The following SEPTIN9 variants were observed in gnomAD, a reference collection of about 807,000 sequenced individuals.
SEPTIN9 encodes the protein septin-9.
Under a neutral mutation model 56.6 loss-of-function variants are expected in SEPTIN9, and 13 were observed. The observed-to-expected ratio is 0.23, with a 90% CI of 0.15 to 0.37. The LOEUF is 0.37. Among genes scored for constraint, SEPTIN9 ranks in the 10% least tolerant of loss-of-function variants. The pLI, the probability that SEPTIN9 is intolerant of heterozygous loss-of-function variation, is 1.00. For missense variants in SEPTIN9, 650 were observed against 823.1 expected (o/e 0.79, Z 2.57); for synonymous variants, 332 against 334.1 (o/e 0.99, Z 0.07).
Position 77,405,026 on chromosome 17 carries a change from A to G in SEPTIN9, c.721+2323A>G. On this transcript the variant is annotated intron_variant, in intron 3 of 11. Coordinates refer to ENST00000427177, the MANE Select transcript of SEPTIN9 (RefSeq NM_001113491.2). The surrounding 1 kb of genome is among the most constrained non-coding windows in gnomAD (Gnocchi z 5.8). ...CCCCATCCTGGGTTGATGTGTTCAC[A>G]CTCAGCTGAGTCAAACAGGATGTGG... 2 of 1,501,202 alleles carry G rather than the reference A, an allele frequency of 1.3e-6. No individual in the cohort carries two copies. The highest frequency in any genetic ancestry group is 1.2e-5 in the South Asian group (1 of 82,414). The allele number at this position is 1,501,202 out of a possible 1,614,324, so 93.0% of individuals were successfully genotyped here.
intron 2 of SEPTIN9, among the ~76,000 whole-genome samples, chr17:77,321,870 G>A (rs2032949170): frequency 6.6e-6 from 1 of 152,224 alleles, no homozygotes; most frequent in Non-Finnish European, 1.5e-5. Flanking sequence ...GGCCCGCTGG[G>A]ACGGGTGGGT....
chr17:77,485,100 T>TGGGTGGTG (rs2039695717), intron 4 of SEPTIN9, among the ~76,000 whole-genome samples: 2 of 2,788 alleles, frequency 7.2e-4, no homozygotes, highest in East Asian at 2.3e-3. Flanking sequence ...TGGTGGTGAT[T>TGGGTGGTG]GTGGTGATGT....
rs1427760499 is a variant in SEPTIN9, at chr17:77,451,598, C to A, written c.722-30546C>A. ...CGGGGGCTCTCAGGTGGCGCGGCCG[C>A]GAGGCGGACCCTGATGGCCATGGTG... is the stretch of plus-strand genomic sequence containing the variant. On this transcript the variant is annotated intron_variant, in intron 3 of 11. Coordinates refer to ENST00000427177, the MANE Select transcript of SEPTIN9 (RefSeq NM_001113491.2). The surrounding 1 kb of genome is among the most constrained non-coding windows in gnomAD (Gnocchi z 4.2). 1.3e-5 allele frequency: 13 copies of A among 967,262 alleles called. No individual in the cohort carries two copies. Among genetic ancestry groups the A allele is most frequent in the African/African-American group, 1.8e-5 (1 of 56,878 alleles). 59.9% of individuals were successfully genotyped at this position (967,262 alleles called of 1,614,324 possible).
At chr17:77,373,640 G>C (rs937653458) in intron 2 of SEPTIN9, 41 of 1,501,740 alleles carry the variant, frequency 2.7e-5, no homozygotes, top group Non-Finnish European at 3.1e-5. Context: ...TGCGCTGAGG[G>C]GAGACGGGAG....
chr17:77,498,159 C>T (rs1242640852), intron 11 of SEPTIN9, among the ~76,000 whole-genome samples: 1 of 152,088 alleles, frequency 6.6e-6, no homozygotes, highest in Non-Finnish European at 1.5e-5. Flanking sequence ...ACCCTGCCAG[C>T]ACCCTGGACA....
chr17:77,498,255 C>T (rs570489263), intron 11 of SEPTIN9, among the ~76,000 whole-genome samples: 6 of 152,154 alleles, frequency 3.9e-5, no homozygotes, highest in African/African-American at 1.4e-4. Flanking sequence ...ATAGGGTGGA[C>T]CCAGAGGGAG....
In SEPTIN9 at chr17:77,376,834, A is replaced by AC. The variant is rs1294672554; in HGVS notation, c.77-25220dup. 8 of 151,602 alleles carry AC rather than the reference A, an allele frequency of 5.3e-5. No homozygotes were observed. The East Asian group carries it at 1.6e-3, about 29-fold the overall frequency. The allele number at this position is 151,602 out of a possible 1,614,324, so 9.4% of individuals were successfully genotyped here. ...AATGTCCCATGTCCTGGGCACATCT[A>AC]CCCCCTCCCTGGGGAGCACCTTTCT... On this transcript the variant is annotated intron_variant, in intron 2 of 11. Transcript: ENST00000427177.
At chr17:77,444,698 G>C (rs1359976363) in intron 3 of SEPTIN9, 6 of 190,280 alleles carry the variant, frequency 3.2e-5, no homozygotes, top group African/African-American at 4.7e-5. Flanking sequence ...GAACCAGCTG[G>C]TGCGTGTCAG....
At chr17:77,470,372 ATCCATCCACTCATCCG>A (rs1260849919) in intron 3 of SEPTIN9, among the ~76,000 whole-genome samples, 5 of 148,900 alleles carry the variant, frequency 3.4e-5, no homozygotes, top group South Asian at 2.1e-4. Flanking sequence ...CCACTTATCC[ATCCATCCACTCATCCG>A]TCCATCCACT....
chr17:77,304,146 T>A (rs762038292), intron 1 of SEPTIN9, among the ~76,000 whole-genome samples: 6 of 152,216 alleles, frequency 3.9e-5, no homozygotes, highest in Admixed American at 6.5e-5. Context: ...TCCAAGGAGC[T>A]GAACTGGAGC....
Position 77,456,749 on chromosome 17 carries a change from G to A in SEPTIN9, c.722-25395G>A, listed in dbSNP as rs535995388. 1.1e-4 allele frequency among the ~76,000 whole-genome samples: 16 copies of A among 152,022 alleles called. No homozygotes were observed. Among genetic ancestry groups the A allele is most frequent in the African/African-American group, 2.2e-4 (9 of 41,428 alleles). On this transcript the variant is annotated intron_variant, in intron 3 of 11. Coordinates refer to ENST00000427177, the MANE Select transcript of SEPTIN9 (RefSeq NM_001113491.2). The surrounding 1 kb of genome is among the most constrained non-coding windows in gnomAD (Gnocchi z 6.0). ...GTACCAGATCTCAGGGACCAGCACC[G>A]GGTACCCACAGCCAGGGACGGGTCC...
chr17:77,455,385 G>GCAGGGCCTGCTGCCCCCGC (rs1439234220), intron 3 of SEPTIN9, among the ~76,000 whole-genome samples: 1 of 152,218 alleles, frequency 6.6e-6, no homozygotes, highest in Non-Finnish European at 1.5e-5. Context: ...TGTGCCCCCG[G>GCAGGGCCTGCTGCCCCCGC]CAGGGCCTGC....
chr17:77,377,357 A>C (rs1394450390), intron 2 of SEPTIN9: 1 of 125,490 alleles, frequency 8.0e-6, no homozygotes, highest in Non-Finnish European at 1.9e-5. Context: ...ATTCAGGCCA[A>C]ATCTGTTATC....
intron 1 of SEPTIN9, among the ~76,000 whole-genome samples, chr17:77,300,859 C>T (rs1314705592): frequency 1.1e-5 from 1 of 93,134 alleles, no homozygotes; most frequent in Non-Finnish European, 2.1e-5. Context: ...AGGCTCAAAC[C>T]GCCCCCATCC....
chr17:77,329,376 G>A lies in SEPTIN9; in HGVS notation c.76+22179G>A, dbSNP rs1208762203. ...GGCCACTGGATGCTGACAGGTGGCC[G>A]GCCCTGCCCAGCCTTGCACTGCCCT... On this transcript the variant is annotated intron_variant, in intron 2 of 11. Coordinates refer to ENST00000427177, the MANE Select transcript of SEPTIN9 (RefSeq NM_001113491.2). This position sits in a 1 kb window ranked among gnomAD's most constrained non-coding sequence, Gnocchi z 4.3. 1.3e-5 allele frequency among the ~76,000 whole-genome samples: 2 copies of A among 152,318 alleles called. No individual in the cohort carries two copies. The highest frequency in any genetic ancestry group is 1.9e-4 in the East Asian group (1 of 5,176).
chr17:77,319,585 C>CG lies in SEPTIN9; in HGVS notation c.76+12390dup. ...CAGGGTTCCTCCTGGGCAGGTGCTC[C>CG]GGAACCTTTTCTCAGCACGCTGGCC... On this transcript the variant is annotated intron_variant, in intron 2 of 11. Transcript: ENST00000427177. The surrounding 1 kb of genome is among the most constrained non-coding windows in gnomAD (Gnocchi z 5.3). The CG allele has an allele frequency of 9.4e-7, 1 of 1,059,840 alleles. No individual in the cohort carries two copies. The highest frequency in any genetic ancestry group is 4.6e-5 in the South Asian group (1 of 21,914). The allele number at this position is 1,059,840 out of a possible 1,614,324, so 65.7% of individuals were successfully genotyped here.
intron 2 of SEPTIN9, among the ~76,000 whole-genome samples, chr17:77,401,516 C>T (rs538223908): frequency 6.6e-6 from 1 of 151,990 alleles, no homozygotes; most frequent in Admixed American, 6.5e-5. Flanking sequence ...GAGGCCGAGG[C>T]GGGTGGATCG....
chr17:77,331,443 G>T (rs932836406), intron 2 of SEPTIN9, among the ~76,000 whole-genome samples: 2 of 151,984 alleles, frequency 1.3e-5, no homozygotes, highest in Admixed American at 6.6e-5. Flanking sequence ...AGGTGTGGGT[G>T]GGGGGAGGTT....
intron 1 of SEPTIN9, among the ~76,000 whole-genome samples, chr17:77,293,790 C>T (rs1046178161): frequency 2.0e-5 from 3 of 152,106 alleles, no homozygotes; most frequent in Non-Finnish European, 2.9e-5. Flanking sequence ...TTTGTAATAT[C>T]GTTTTCTATT....
Sources: gnomAD v4.1 joint callset for allele counts (sites outside exome capture counted in the v4.1 genomes callset) on GRCh38, gnomAD v4.1.1 for gene constraint, Gnocchi (gnomAD v3.1) non-coding constraint, MANE v1.5 for transcripts, NCBI Gene and HGNC (gene_info 2026-07-23, HGNC 2026-07-21) for gene names.